Variants in RFX6 observed in about 807,000 individuals in gnomAD.
RFX6 encodes the protein regulatory factor X6.
In RFX6, 50 loss-of-function variants were observed where a neutral mutation model predicts 110.8. That is an observed-to-expected ratio of 0.45 (90% CI 0.36 to 0.57). RFX6 has a LOEUF of 0.57. RFX6 is among the 20% of genes least tolerant of loss of function. The probability of loss-of-function intolerance (pLI) is 0.00; values close to 1 mark genes in which losing one functional copy is unlikely to be tolerated. For synonymous variants in RFX6, 383 were observed against 411.2 expected, an observed-to-expected ratio of 0.93 and a Z score of 0.83; for missense variants, 990 against 1,127.0, an observed-to-expected ratio of 0.88 and a Z score of 1.74.
intron 15 of RFX6, 85 bp from the exon 16 acceptor site, chr6:116,925,368 C>T (rs1775687604): frequency 8.9e-7 from 1 of 1,117,382 alleles, no homozygotes; most frequent in Non-Finnish European, 1.4e-6. Flanking sequence ...AACAATGAAA[C>T]ATTTTCATTT....
intron 6 of RFX6, among the ~76,000 whole-genome samples, chr6:116,908,244 A>G (rs1775250943): frequency 6.6e-6 from 1 of 152,076 alleles, no homozygotes; most frequent in Non-Finnish European, 1.5e-5. Flanking sequence ...GAGTGAGAAC[A>G]CGTGATATTT....
Position 116,920,369 on chromosome 6 carries a change from A to G in RFX6, c.1242A>G (p.Glu414=), listed in dbSNP as rs1323990791. ...HVVNSMVSDI[E]RVDLNSIGSQ... ...TTAATTCTATGGTGTCTGATATTGAAAGGGTTGATTTGAACAGCATTGGCT... is the reference window on the plus strand; with the variant it reads ...TTAATTCTATGGTGTCTGATATTGAGAGGGTTGATTTGAACAGCATTGGCT... The change falls in exon 12 of 19, where the codon GAA becomes GAG. Residue 414 remains glutamate, a synonymous_variant. Transcript: ENST00000332958. 2 of 1,612,266 alleles carry G rather than the reference A, an allele frequency of 1.2e-6. No homozygotes were observed. Among genetic ancestry groups the G allele is most frequent in the Admixed American group, 1.7e-5 (1 of 59,984 alleles).
chr6:116,889,755 A>C (rs978305935), intron 4 of RFX6, among the ~76,000 whole-genome samples: 2 of 152,090 alleles, frequency 1.3e-5, no homozygotes, highest in Non-Finnish European at 1.5e-5. Flanking sequence ...AGATTCTTTA[A>C]TTTCTACCAA....
At chr6:116,885,324 T>C (rs1163282388) in intron 4 of RFX6, among the ~76,000 whole-genome samples, 3 of 152,160 alleles carry the variant, frequency 2.0e-5, no homozygotes, top group African/African-American at 7.2e-5. Context: ...ATGAATATAG[T>C]AGTGAATATG....
At position 116,916,248 on chromosome 6, in the gene RFX6, C is replaced by T. The variant is rs762886566; in HGVS notation, c.906C>T (p.Leu302=). ...TTTGGCAAGGAATGCCTGACCATCT[C>T]CTTCCCCTGCTCGAAAATCCTGTTA... The part of the protein sequence containing the change: ...LHFWQGMPDH[L]LPLLENPVII... The change falls in exon 9 of 19, where the codon CTC becomes CTT. Residue 302 remains leucine (L), a synonymous_variant. Coordinates refer to ENST00000332958, the MANE Select transcript of RFX6 (RefSeq NM_173560.4). 15 of 1,612,766 alleles carry T rather than the reference C, an allele frequency of 9.3e-6. No homozygotes were observed. In the African/African-American group the frequency reaches 1.7e-4, roughly 19 times the overall value.
At chr6:116,896,493 T>A (rs1582517540) in intron 6 of RFX6, among the ~76,000 whole-genome samples, 1 of 152,172 alleles carries the variant, frequency 6.6e-6, no homozygotes, top group Non-Finnish European at 1.5e-5. Flanking sequence ...AATAAAATAT[T>A]TTCATAACAC....
chr6:116,923,113 A>G lies in RFX6; in HGVS notation c.1444A>G (p.Lys482Glu), dbSNP rs554980157. 4 of 1,580,982 alleles carry G rather than the reference A, an allele frequency of 2.5e-6. No individual in the cohort carries two copies. The Admixed American group carries it at 5.0e-5, about 20-fold the overall frequency. ...TTTGTTCCTTTACTTTTAGACCAGC[A>G]AACAAAATGGAAGGTCATTAAAGAA... ...VVEQRVIKTS[K>E]QNGRSLKKRA... The change falls in exon 14 of 19, where the codon AAA (lysine) becomes GAA (glutamate). Residue 482 changes from lysine to glutamate, a missense_variant. Transcript: ENST00000332958.
chr6:116,884,435 C>T (rs1774656400), intron 4 of RFX6, among the ~76,000 whole-genome samples: 1 of 151,928 alleles, frequency 6.6e-6, no homozygotes, highest in African/African-American at 2.4e-5. Flanking sequence ...TTATTGTGGC[C>T]TGGAAAGAAT....
At chr6:116,921,389 A>G (rs1775591380) in intron 12 of RFX6, among the ~76,000 whole-genome samples, 2 of 152,328 alleles carry the variant, frequency 1.3e-5, no homozygotes, top group East Asian at 3.9e-4. Flanking sequence ...GAAATCACCA[A>G]GCTTAGGTTC....
intron 3 of RFX6, among the ~76,000 whole-genome samples, chr6:116,881,312 C>A (rs339353): frequency 0.29 from 43,339 of 151,732 alleles, 6,387 homozygotes; most frequent in South Asian, 0.38. Context: ...AGATTCATGT[C>A]ATGCTGTGTT....
At chr6:116,891,093 G>T (rs546729184) in intron 4 of RFX6, among the ~76,000 whole-genome samples, 2 of 152,144 alleles carry the variant, frequency 1.3e-5, no homozygotes, top group African/African-American at 4.8e-5. Context: ...CCTCAGTGCT[G>T]GTCAGTGTAG....
chr6:116,921,765 G>T (rs546721047), intron 12 of RFX6, among the ~76,000 whole-genome samples: 1 of 151,900 alleles, frequency 6.6e-6, no homozygotes, highest in South Asian at 2.1e-4. Flanking sequence ...TGAGGCTGCA[G>T]TAAGCCATGA....
intron 9 of RFX6, among the ~76,000 whole-genome samples, chr6:116,917,317 G>A (rs1321368): frequency 0.72 from 108,479 of 150,682 alleles, 39,350 homozygotes; most frequent in East Asian, 0.91. Context: ...AAAAATTTCA[G>A]AGGAGAGTAA....
At position 116,925,619 on chromosome 6, in the gene RFX6, C is replaced by T. The variant is rs1406351504; in HGVS notation, c.1845C>T (p.His615=). ...CTGGAGGCCTAGGCCCTGCTCTGCACCAGTTCCCTGCTGGGAACACAGACA... is the reference window on the plus strand; with the variant it reads ...CTGGAGGCCTAGGCCCTGCTCTGCATCAGTTCCCTGCTGGGAACACAGACA... ...SQPGGLGPAL[H]QFPAGNTDNM... The change falls in exon 16 of 19, where the codon CAC becomes CAT. Residue 615 remains histidine, a synonymous_variant. Coordinates refer to ENST00000332958, the MANE Select transcript of RFX6 (RefSeq NM_173560.4). 6.2e-7 allele frequency: 1 copy of T among 1,613,894 alleles called. No homozygotes were observed. The highest frequency in any genetic ancestry group is 8.5e-7 in the Non-Finnish European group (1 of 1,179,904).
chr6:116,929,676 T>C (rs898705466), intron 18 of RFX6, among the ~76,000 whole-genome samples: 2 of 152,206 alleles, frequency 1.3e-5, no homozygotes, highest in Non-Finnish European at 2.9e-5. Context: ...ACTATAGATT[T>C]AGTTTCTAAA....
intron 6 of RFX6, among the ~76,000 whole-genome samples, chr6:116,909,662 A>G (rs1421218403): frequency 6.7e-6 from 1 of 150,262 alleles, no homozygotes; most frequent in East Asian, 1.9e-4. Context: ...AAAAGAGATT[A>G]ATAAAGTAAA....
chr6:116,900,551 G>A lies in RFX6; in HGVS notation c.672+5344G>A, dbSNP rs190594923. On this transcript the variant is annotated intron_variant, in intron 6 of 18. Transcript: ENST00000332958. ...ATGACAGGTGTGAGCCACCGTGCCC[G>A]GCCTTGAATCTATTTTTATTTCATA... Among the ~76,000 whole-genome samples the A allele has an allele frequency of 1.8e-4, 28 of 151,586 alleles. No individual in the cohort carries two copies. In the East Asian group the frequency reaches 4.5e-3, roughly 24 times the overall value.
At chr6:116,927,992 C>T (rs530521458) in intron 17 of RFX6, among the ~76,000 whole-genome samples, 1 of 151,812 alleles carries the variant, frequency 6.6e-6, no homozygotes, top group Admixed American at 6.6e-5. Flanking sequence ...AATCCTCTCT[C>T]CTTGGCTTCC....
Position 116,929,119 on chromosome 6 carries a change from TG to T in RFX6, c.2611+149del, listed in dbSNP as rs1370883606. On this transcript the variant is annotated intron_variant, in intron 18 of 18. Transcript: ENST00000332958. ...ACCTTGGATCTAAAGTTATATTTTT[TG>T]TATCTGACTACACAGTTAGTAACAG... The T allele has an allele frequency of 8.8e-6, 6 of 682,626 alleles. No homozygotes were observed. In the Middle Eastern group the frequency reaches 1.9e-3, roughly 218 times the overall value. The allele number at this position is 682,626 out of a possible 1,614,324, so 42.3% of individuals were successfully genotyped here. A position where few individuals can be genotyped will look rare whatever the true frequency, so the allele number is the denominator to read the frequency against.
Sources: gnomAD v4.1 joint callset for allele counts (sites outside exome capture counted in the v4.1 genomes callset) on GRCh38, gnomAD v4.1.1 for gene constraint, MANE v1.5 for transcripts, NCBI Gene and HGNC (gene_info 2026-07-23, HGNC 2026-07-21) for gene names.